Variants in MACROD2 observed in about 807,000 individuals in gnomAD.
MACROD2 encodes the protein mono-ADP ribosylhydrolase 2, also known as ADP-ribose glycohydrolase MACROD2.
MACROD2 carries 36 observed loss-of-function variants against 70.4 expected under a neutral mutation model. The observed-to-expected ratio is 0.51, with a 90% CI of 0.39 to 0.68. MACROD2 has a LOEUF of 0.68. MACROD2 is among the 30% of genes least tolerant of loss of function. The pLI, the probability that MACROD2 is intolerant of heterozygous loss-of-function variation, is 0.00. For synonymous variants in MACROD2, 172 were observed against 178.8 expected, an observed-to-expected ratio of 0.96 and a Z score of 0.30; for missense variants, 496 against 538.4, an observed-to-expected ratio of 0.92 and a Z score of 0.78.
intron 5 of MACROD2, among the ~76,000 whole-genome samples, chr20:14,796,294 A>G (rs980319): frequency 0.38 from 57,541 of 151,888 alleles, 13,017 homozygotes; most frequent in Non-Finnish European, 0.51. Context: ...AGGCTTTTTC[A>G]CTGTAGGGCA....
chr20:14,437,218 A>G (rs531844225), intron 3 of MACROD2, among the ~76,000 whole-genome samples: 1 of 152,244 alleles, frequency 6.6e-6, no homozygotes, highest in South Asian at 2.1e-4. Context: ...TGTTTCTCCC[A>G]AGCACCTTTT....
intron 5 of MACROD2, among the ~76,000 whole-genome samples, chr20:14,880,627 C>A (rs1020709535): frequency 2.0e-5 from 3 of 152,182 alleles, no homozygotes; most frequent in African/African-American, 7.2e-5. Flanking sequence ...AGAATTCATG[C>A]ATTTAGCTTA....
intron 5 of MACROD2, among the ~76,000 whole-genome samples, chr20:14,924,842 T>C (rs1382642665): frequency 6.6e-6 from 1 of 152,118 alleles, no homozygotes; most frequent in Non-Finnish European, 1.5e-5. Flanking sequence ...GTTACTATCA[T>C]TAAAACATAT....
chr20:14,852,070 G>T (rs2073205033), intron 5 of MACROD2, among the ~76,000 whole-genome samples: 1 of 152,166 alleles, frequency 6.6e-6, no homozygotes, highest in Non-Finnish European at 1.5e-5. Context: ...GACTTCCAAG[G>T]GGAGAGCAGA....
At chr20:15,496,024 G>A (rs983416032) in intron 7 of MACROD2, among the ~76,000 whole-genome samples, 3 of 152,300 alleles carry the variant, frequency 2.0e-5, no homozygotes, top group Non-Finnish European at 2.9e-5. Context: ...GGCCAGTGTC[G>A]TTGCAGTGGA....
intron 8 of MACROD2, among the ~76,000 whole-genome samples, chr20:15,695,408 C>CTTTTT (rs200041559): frequency 7.1e-6 from 1 of 140,082 alleles, no homozygotes; most frequent in Admixed American, 7.0e-5. Context: ...TTTTCTTCTT[C>CTTTTT]TTCTTTTTTT....
intron 5 of MACROD2, among the ~76,000 whole-genome samples, chr20:15,166,762 A>G (rs557714100): frequency 5.2e-4 from 79 of 151,912 alleles, no homozygotes; most frequent in Non-Finnish European, 9.9e-4. Flanking sequence ...TCCTTTAAAA[A>G]TCAGAAAAAA....
chr20:15,339,583 T>G (rs2078085542), intron 6 of MACROD2, among the ~76,000 whole-genome samples: 1 of 151,796 alleles, frequency 6.6e-6, no homozygotes, highest in African/African-American at 2.4e-5. Flanking sequence ...ACTTATCTTG[T>G]GCTTATCAGT....
At chr20:14,036,953 T>C (rs1233380276) in intron 2 of MACROD2, among the ~76,000 whole-genome samples, 1 of 152,260 alleles carries the variant, frequency 6.6e-6, no homozygotes, top group Non-Finnish European at 1.5e-5. Context: ...CGTTTTGTGG[T>C]AAAGTTACAA....
chr20:15,212,713 G>A (rs777928446), intron 5 of MACROD2, among the ~76,000 whole-genome samples: 3 of 152,206 alleles, frequency 2.0e-5, no homozygotes, highest in Non-Finnish European at 4.4e-5. Context: ...AAATATCAGT[G>A]ATGGGTAAAA....
chr20:15,778,367 G>A lies in MACROD2; in HGVS notation c.646-84378G>A, dbSNP rs113620296. Among the ~76,000 whole-genome samples the A allele has an allele frequency of 9.6e-3, 1,466 of 151,990 alleles. 23 individuals are homozygous for A. The highest frequency in any genetic ancestry group is 0.034 in the African/African-American group (1,392 of 41,496). Reference sequence around the variant, plus strand: ...ATATACCAAAATACATTTGATCATGGCATATTTATTAAGTGTTCTATATTA... The same window carrying A: ...ATATACCAAAATACATTTGATCATGACATATTTATTAAGTGTTCTATATTA... On this transcript the variant is annotated intron_variant, in intron 8 of 17. Coordinates refer to ENST00000684519, the MANE Select transcript of MACROD2 (RefSeq NM_001351661.2).
intron 5 of MACROD2, among the ~76,000 whole-genome samples, chr20:14,828,555 T>C (rs938594016): frequency 6.6e-6 from 1 of 152,010 alleles, no homozygotes; most frequent in African/African-American, 2.4e-5. Flanking sequence ...ATCCTGCTGC[T>C]TACCTGGAAT....
At chr20:15,318,034 C>T (rs144780827) in intron 6 of MACROD2, among the ~76,000 whole-genome samples, 7 of 151,040 alleles carry the variant, frequency 4.6e-5, no homozygotes, top group East Asian at 1.9e-4. Flanking sequence ...TTTAGCAAGA[C>T]GAAGAAAAAA....
chr20:14,867,011 C>G lies in MACROD2; in HGVS notation c.418+182052C>G, dbSNP rs140224836. Among the ~76,000 whole-genome samples the G allele has an allele frequency of 2.3e-3, 348 of 152,152 alleles. 2 individuals are homozygous for G. Among genetic ancestry groups the G allele is most frequent in the African/African-American group, 8.1e-3 (335 of 41,510 alleles). Reference sequence around the variant, plus strand: ...TTCCCCCCTGCCTGTAATTTCAGAGCTCTGTGATGTGGAAGCTGTCAATGT... The same window carrying G: ...TTCCCCCCTGCCTGTAATTTCAGAGGTCTGTGATGTGGAAGCTGTCAATGT... On this transcript the variant is annotated intron_variant, in intron 5 of 17. Transcript: ENST00000684519.
At chr20:15,246,782 C>T (rs989017480) in intron 6 of MACROD2, among the ~76,000 whole-genome samples, 4 of 152,096 alleles carry the variant, frequency 2.6e-5, no homozygotes, top group African/African-American at 7.2e-5. Flanking sequence ...TTCATAGCAG[C>T]ATTATTATTA....
intron 8 of MACROD2, among the ~76,000 whole-genome samples, chr20:15,859,811 A>T (rs6110800): frequency 0.083 from 12,431 of 150,554 alleles, 787 homozygotes; most frequent in East Asian, 0.37. Flanking sequence ...TTTGGACTTA[A>T]ATCATTTCCA....
chr20:15,395,002 C>T (rs1196927877), intron 6 of MACROD2, among the ~76,000 whole-genome samples: 1 of 152,186 alleles, frequency 6.6e-6, no homozygotes, highest in Admixed American at 6.5e-5. Context: ...GCTGCCTGTC[C>T]CTCCAGGTGC....
intron 10 of MACROD2, among the ~76,000 whole-genome samples, chr20:15,931,861 C>T (rs150021853): frequency 6.6e-5 from 10 of 152,182 alleles, no homozygotes; most frequent in African/African-American, 1.9e-4. Context: ...TTCAGTAGGT[C>T]GTTTTCCAGA....
chr20:14,229,745 T>G (rs1053892227), intron 3 of MACROD2, among the ~76,000 whole-genome samples: 4 of 152,178 alleles, frequency 2.6e-5, no homozygotes, highest in African/African-American at 9.7e-5. Flanking sequence ...ACAAAAACTT[T>G]TACATGAATA....
Sources: allele counts gnomAD v4.1 joint callset (sites outside exome capture counted in the v4.1 genomes callset), GRCh38; gene constraint gnomAD v4.1.1; transcripts MANE v1.5; gene names NCBI Gene and HGNC (gene_info 2026-07-23, HGNC 2026-07-21).